The following SLC4A10 variants were observed in gnomAD, a reference collection of about 807,000 sequenced individuals.
SLC4A10 encodes the protein sodium-driven chloride bicarbonate exchanger.
Under a neutral mutation model 137.7 loss-of-function variants are expected in SLC4A10, and 42 were observed. That is an observed-to-expected ratio of 0.30 (90% CI 0.24 to 0.39). The LOEUF is 0.39. Among genes scored for constraint, SLC4A10 ranks in the 10% least tolerant of loss-of-function variants. SLC4A10 has a pLI of 1.00. For missense variants in SLC4A10, 925 were observed against 1,355.0 expected (o/e 0.68, Z 4.98); for synonymous variants, 474 against 464.1 (o/e 1.02, Z -0.27).
At chr2:161,965,618 A>T (rs1316250345) in intron 23 of SLC4A10, among the ~76,000 whole-genome samples, 1 of 152,172 alleles carries the variant, frequency 6.6e-6, no homozygotes, top group Non-Finnish European at 1.5e-5. Context: ...CTAATGAATA[A>T]TTATTTATTC....
chr2:161,929,243 GTTTGT>G (rs992610583), intron 15 of SLC4A10, among the ~76,000 whole-genome samples: 3 of 152,106 alleles, frequency 2.0e-5, no homozygotes, highest in Non-Finnish European at 4.4e-5. Context: ...ATATTACACA[GTTTGT>G]TTTGTTTTGT....
intron 1 of SLC4A10, among the ~76,000 whole-genome samples, chr2:161,746,498 G>C (rs1487824372): frequency 6.6e-6 from 1 of 151,968 alleles, no homozygotes; most frequent in African/African-American, 2.4e-5. Context: ...GGTTCCTTCT[G>C]TCTGTGGCAG....
intron 4 of SLC4A10, among the ~76,000 whole-genome samples, chr2:161,853,988 A>G (rs1161782942): frequency 6.6e-6 from 1 of 152,168 alleles, no homozygotes; most frequent in Non-Finnish European, 1.5e-5. Context: ...TGTGTGTTGA[A>G]GGTGGATCAT....
intron 3 of SLC4A10, among the ~76,000 whole-genome samples, chr2:161,816,139 G>A (rs183291856): frequency 6.6e-6 from 1 of 152,266 alleles, no homozygotes; most frequent in Non-Finnish European, 1.5e-5. Flanking sequence ...TTTGGGTTTT[G>A]ATATTCTGCA....
chr2:161,806,561 A>G (rs935955035), intron 3 of SLC4A10, among the ~76,000 whole-genome samples: 2 of 152,086 alleles, frequency 1.3e-5, no homozygotes, highest in African/African-American at 2.4e-5. Context: ...ATCTCTCTCA[A>G]GTTCAAAGTT....
chr2:161,951,347 C>A (rs959695166), intron 19 of SLC4A10, among the ~76,000 whole-genome samples: 9 of 152,210 alleles, frequency 5.9e-5, no homozygotes, highest in Non-Finnish European at 1.2e-4. Context: ...GAAGTGACAT[C>A]TTTGAGTTTT....
At chr2:161,864,770 T>C (rs528361760) in intron 6 of SLC4A10, among the ~76,000 whole-genome samples, 1 of 152,274 alleles carries the variant, frequency 6.6e-6, no homozygotes, top group Non-Finnish European at 1.5e-5. Flanking sequence ...CACAATTTGC[T>C]TTAAAATATG....
chr2:161,836,680 A>G (rs1575203479), intron 3 of SLC4A10, among the ~76,000 whole-genome samples: 1 of 151,636 alleles, frequency 6.6e-6, no homozygotes, highest in Middle Eastern at 3.4e-3. Context: ...ATAAACTTAC[A>G]CATTGAAGAA....
chr2:161,948,867 T>G (rs948164694), intron 17 of SLC4A10, among the ~76,000 whole-genome samples: 1 of 152,044 alleles, frequency 6.6e-6, no homozygotes, highest in African/African-American at 2.4e-5. Context: ...CATCATAAAG[T>G]TAGATTTTAA....
rs1361069977 is a variant in SLC4A10 at position 161,904,111 on chromosome 2, A to G, written c.1550A>G (p.Tyr517Cys). 3.7e-6 allele frequency: 6 copies of G among 1,610,012 alleles called. No individual in the cohort carries two copies. The highest frequency in any genetic ancestry group is 5.1e-6 in the Non-Finnish European group (6 of 1,178,106). The change falls in exon 13 of 27, where the codon TAC becomes TGC. Residue 517 changes from tyrosine (Y) to cysteine (C), a missense_variant. Tyr to Cys is a radical substitution (Grantham distance 194). Coordinates refer to ENST00000446997, the MANE Select transcript of SLC4A10 (RefSeq NM_001178015.2). ...TGCTTAGCATCTTTTCTATTTCTCT[A>G]CTGCGCGTGTATGTCTCCTGTCATC... ...LQCLASFLFL[Y>C]CACMSPVITF... is the part of the protein sequence containing the mutation.
At chr2:161,952,969 C>T (rs140290647) in intron 19 of SLC4A10, among the ~76,000 whole-genome samples, 1 of 152,314 alleles carries the variant, frequency 6.6e-6, no homozygotes, top group East Asian at 1.9e-4. Flanking sequence ...CACATTTTCA[C>T]TAAAAGATGT....
At position 161,905,313 on chromosome 2, in the gene SLC4A10, A is replaced by G. The variant is rs542907569; in HGVS notation, c.1752-329A>G. Among the ~76,000 whole-genome samples, 5 of 152,298 alleles carry G rather than the reference A, an allele frequency of 3.3e-5. No homozygotes were observed. The East Asian group carries it at 5.8e-4, about 18-fold the overall frequency. ...GGCATTAGATTCTCATAAGGAGCAC[A>G]CAATCTAGATTCCTCACATGCACAG... On this transcript the variant is annotated intron_variant, in intron 14 of 26. Coordinates refer to ENST00000446997, the MANE Select transcript of SLC4A10 (RefSeq NM_001178015.2).
chr2:161,906,836 C>A (rs992011524), intron 15 of SLC4A10, among the ~76,000 whole-genome samples: 7 of 151,888 alleles, frequency 4.6e-5, no homozygotes, highest in Non-Finnish European at 1.0e-4. Flanking sequence ...GGGCGGATCA[C>A]GAGGTCAGGA....
At chr2:161,732,178 G>C (rs964994078) in intron 1 of SLC4A10, among the ~76,000 whole-genome samples, 1 of 152,152 alleles carries the variant, frequency 6.6e-6, no homozygotes, top group Non-Finnish European at 1.5e-5. Flanking sequence ...CCATAATTGA[G>C]TAAATCATTG....
At position 161,900,901 on chromosome 2, in the gene SLC4A10, C is replaced by G; in HGVS notation, c.1342-10C>G. 1 of 1,511,352 alleles carries G rather than the reference C, an allele frequency of 6.6e-7. No individual in the cohort carries two copies. The highest frequency in any genetic ancestry group is 8.9e-7 in the Non-Finnish European group (1 of 1,128,056). 93.6% of individuals were successfully genotyped at this position (1,511,352 alleles called of 1,614,324 possible). A position where few individuals can be genotyped will look rare whatever the true frequency, so the allele number is the denominator to read the frequency against. ...CAAAACAAAACACATGAACAAAAAA[C>G]TCTCCACAGGAGAAGAGGAAGATTC... On this transcript the variant is annotated splice_polypyrimidine_tract_variant and intron_variant, in intron 11 of 26. Transcript: ENST00000446997.
At position 161,760,375 on chromosome 2, in the gene SLC4A10, A is replaced by AATAC. The variant is rs201828164; in HGVS notation, c.49-10594_49-10591dup. Among the ~76,000 whole-genome samples the AATAC allele has an allele frequency of 9.0e-3, 1,377 of 152,196 alleles. 13 individuals are homozygous for AATAC. The highest frequency in any genetic ancestry group is 0.01 in the Non-Finnish European group (682 of 67,986). On this transcript the variant is annotated intron_variant, in intron 1 of 26. Coordinates refer to ENST00000446997, the MANE Select transcript of SLC4A10 (RefSeq NM_001178015.2). ...TTTGCAATTTTAAGAATTATATACA[A>AATAC]ATACATATATACATATAATTTCTCA...
chr2:161,688,343 A>G (rs1400212263), intron 1 of SLC4A10, among the ~76,000 whole-genome samples: 1 of 152,212 alleles, frequency 6.6e-6, no homozygotes, highest in Non-Finnish European at 1.5e-5. Context: ...TTTATAACCT[A>G]GAATGAACAA....
chr2:161,628,317 G>A (rs1261793408), intron 1 of SLC4A10, among the ~76,000 whole-genome samples: 1 of 151,840 alleles, frequency 6.6e-6, no homozygotes, highest in Non-Finnish European at 1.5e-5. Flanking sequence ...GTCTGAAAAA[G>A]GACTTAAGTT....
intron 21 of SLC4A10, among the ~76,000 whole-genome samples, chr2:161,962,937 T>C (rs1031010347): frequency 6.6e-6 from 1 of 152,108 alleles, no homozygotes; most frequent in African/African-American, 2.4e-5. Context: ...TTAAAATAAG[T>C]TAGTTAAGAA....
Sources: allele counts gnomAD v4.1 joint callset (sites outside exome capture counted in the v4.1 genomes callset), GRCh38; gene constraint gnomAD v4.1.1; transcripts MANE v1.5; gene names NCBI Gene and HGNC (gene_info 2026-07-23, HGNC 2026-07-21).